CDH18: variants seen among roughly 807,000 people sequenced by gnomAD.
CDH18 encodes cadherin 18, also known as cadherin-18.
A neutral mutation model predicts 67.9 loss-of-function variants in CDH18; 31 were observed. The observed-to-expected ratio is 0.46, with a 90% confidence interval of 0.34 to 0.62. CDH18 has a LOEUF of 0.62. CDH18 is among the 20% of genes least tolerant of loss of function. The probability of loss-of-function intolerance (pLI) is 0.01; values close to 1 mark genes in which losing one functional copy is unlikely to be tolerated. For missense variants in CDH18, 890 were observed against 975.5 expected (o/e 0.91, Z 1.17); for synonymous variants, 362 against 347.2 (o/e 1.04, Z -0.48).
Position 19,473,589 on chromosome 5 carries a change from G to C in CDH18, c.2010C>G (p.Ala670=). The part of the protein sequence containing the change: ...DEGGGEEDTE[A]FDITALRNPS... ...GATTCCTCAAGGCTGTGATGTCAAA[G>C]GCCTCTGTGTCTTCCTCTCCGCCTC... The change falls in exon 13 of 13, where the codon GCC becomes GCG. Residue 670 remains alanine (A), a synonymous_variant. Transcript: ENST00000382275. 4 of 1,613,784 alleles carry C rather than the reference G, an allele frequency of 2.5e-6. No individual in the cohort carries two copies.
intron 3 of CDH18, among the ~76,000 whole-genome samples, chr5:19,771,204 T>G (rs1413043059): frequency 6.6e-6 from 1 of 152,232 alleles, no homozygotes. Flanking sequence ...CCTTGTGTAA[T>G]GTCGTCTTTT....
chr5:19,531,354 A>G (rs1467425622), intron 9 of CDH18, among the ~76,000 whole-genome samples: 1 of 152,168 alleles, frequency 6.6e-6, no homozygotes, highest in Non-Finnish European at 1.5e-5. Context: ...ACATGAAAAT[A>G]TTTTCAACAT....
At chr5:20,305,997 A>G (rs1414821116) in intron 1 of CDH18, 13 of 154,180 alleles carry the variant, frequency 8.4e-5, no homozygotes, top group Admixed American at 7.7e-4. Flanking sequence ...TATATATACA[A>G]TTTATCATAA....
chr5:19,864,603 T>G (rs1785278137), intron 2 of CDH18, among the ~76,000 whole-genome samples: 1 of 152,158 alleles, frequency 6.6e-6, no homozygotes, highest in East Asian at 1.9e-4. Context: ...TAAACCTCAG[T>G]TGCAGAACCC....
At chr5:20,129,390 C>G (rs1749084943) in intron 2 of CDH18, among the ~76,000 whole-genome samples, 1 of 151,980 alleles carries the variant, frequency 6.6e-6, no homozygotes, top group South Asian at 2.1e-4. Context: ...TTTATCTAAA[C>G]TTACGTTCTA....
rs1476186928 is a variant in CDH18, at chr5:19,971,859, AG to A, written c.-257+9200del. Among the ~76,000 whole-genome samples the A allele has an allele frequency of 7.5e-3, 245 of 32,486 alleles. 1 individual carries two copies. The highest frequency in any genetic ancestry group is 0.013 in the Non-Finnish European group (180 of 13,740). The allele number at this position is 32,486 out of a possible 152,430, so 21.3% of individuals were successfully genotyped here. ...CTAAACTTAAACGTTAAAAAAAAAA[AG>A]AGAGAGAGAGAGAGAAAGAAATGTG... On this transcript the variant is annotated intron_variant, in intron 2 of 12. Coordinates refer to ENST00000382275, the MANE Select transcript of CDH18 (RefSeq NM_004934.5).
chr5:19,515,303 T>G (rs540137114), intron 10 of CDH18, among the ~76,000 whole-genome samples: 4 of 152,262 alleles, frequency 2.6e-5, no homozygotes, highest in Non-Finnish European at 5.9e-5. Context: ...TTGTTCTTTT[T>G]GCTTAGGATT....
At chr5:19,482,133 T>C (rs1242420216) in intron 12 of CDH18, among the ~76,000 whole-genome samples, 1 of 152,094 alleles carries the variant, frequency 6.6e-6, no homozygotes, top group East Asian at 1.9e-4. Flanking sequence ...ATTATTTTTT[T>C]GAGACTGAGT....
intron 2 of CDH18, among the ~76,000 whole-genome samples, chr5:20,065,536 G>A (rs1003003058): frequency 1.3e-5 from 2 of 151,960 alleles, no homozygotes; most frequent in Admixed American, 6.6e-5. Flanking sequence ...CCCATTTTAA[G>A]TTGAAAGCAT....
At chr5:19,921,445 G>C (rs1276188556) in intron 2 of CDH18, among the ~76,000 whole-genome samples, 2 of 151,526 alleles carry the variant, frequency 1.3e-5, no homozygotes, top group Non-Finnish European at 1.5e-5. Context: ...ACAGGAGAAT[G>C]GTGTGAACCC....
At chr5:19,697,610 C>CA (rs1242881982) in intron 5 of CDH18, among the ~76,000 whole-genome samples, 15 of 152,074 alleles carry the variant, frequency 9.9e-5, no homozygotes, top group Non-Finnish European at 1.3e-4. Context: ...AACAAAGTGG[C>CA]ATGATTGAAT....
Position 19,945,086 on chromosome 5 carries a change from G to A in CDH18, c.-257+35974C>T, listed in dbSNP as rs540473023. Among the ~76,000 whole-genome samples, 4 of 152,266 alleles carry A rather than the reference G, an allele frequency of 2.6e-5. No homozygotes were observed. The South Asian group carries it at 6.2e-4, about 24-fold the overall frequency. ...TGGTGGTAAGGCTGATTATCCTACAGTGGTAAAGCCTGGTATCTTCAAGCC... is the reference window on the plus strand; with the variant it reads ...TGGTGGTAAGGCTGATTATCCTACAATGGTAAAGCCTGGTATCTTCAAGCC... On this transcript the variant is annotated intron_variant, in intron 2 of 12. Coordinates refer to ENST00000382275, the MANE Select transcript of CDH18 (RefSeq NM_004934.5).
chr5:19,965,086 T>A (rs1797295561), intron 2 of CDH18, among the ~76,000 whole-genome samples: 2 of 152,174 alleles, frequency 1.3e-5, no homozygotes, highest in African/African-American at 4.8e-5. Context: ...TTTGTGGAGA[T>A]TATCTATGAG....
intron 2 of CDH18, among the ~76,000 whole-genome samples, chr5:19,845,077 G>A (rs532576875): frequency 6.6e-6 from 1 of 152,096 alleles, no homozygotes; most frequent in African/African-American, 2.4e-5. Flanking sequence ...AATGAATATT[G>A]TCTCTTAAAC....
chr5:19,759,147 C>T (rs995998285), intron 3 of CDH18, among the ~76,000 whole-genome samples: 2 of 152,166 alleles, frequency 1.3e-5, no homozygotes, highest in African/African-American at 4.8e-5. Context: ...AGCAATGAAA[C>T]CACATCTGGT....
intron 2 of CDH18, among the ~76,000 whole-genome samples, chr5:20,138,107 T>G (rs1303567450): frequency 6.6e-6 from 1 of 152,000 alleles, no homozygotes; most frequent in African/African-American, 2.4e-5. Flanking sequence ...ATCAAAAAGC[T>G]TATCCACCAT....
chr5:20,319,392 C>G (rs965165724), intron 1 of CDH18, among the ~76,000 whole-genome samples: 13 of 152,184 alleles, frequency 8.5e-5, no homozygotes, highest in Non-Finnish European at 1.5e-5. Context: ...TCACTGGACA[C>G]TTCTCACACT....
intron 2 of CDH18, among the ~76,000 whole-genome samples, chr5:20,048,433 T>G (rs1300962019): frequency 6.6e-6 from 1 of 151,848 alleles, no homozygotes; most frequent in East Asian, 1.9e-4. Flanking sequence ...TTATAAATGT[T>G]AAGTTCCTAC....
intron 8 of CDH18, among the ~76,000 whole-genome samples, chr5:19,557,028 G>A (rs1465673295): frequency 1.3e-5 from 2 of 152,032 alleles, no homozygotes; most frequent in African/African-American, 4.8e-5. Flanking sequence ...TTTTTATCCA[G>A]CAAAACTAAG....
Sources: allele counts gnomAD v4.1 joint callset (sites outside exome capture counted in the v4.1 genomes callset), GRCh38; gene constraint gnomAD v4.1.1; transcripts MANE v1.5; gene names NCBI Gene and HGNC (gene_info 2026-07-23, HGNC 2026-07-21).